IRAG1: variants seen among roughly 807,000 people sequenced by gnomAD.
IRAG1 encodes IP3R-associated cGMP kinase substrate.
In IRAG1, 62 loss-of-function variants were observed where a neutral mutation model predicts 106.2. That is an observed-to-expected ratio of 0.58 (90% CI 0.48 to 0.72). IRAG1 has a LOEUF of 0.72. Among genes scored for constraint, IRAG1 ranks in the 30% least tolerant of loss-of-function variants. IRAG1 has a pLI of 0.00. For missense variants in IRAG1, 1,064 were observed against 1,140.7 expected (o/e 0.93, Z 0.97); for synonymous variants, 462 against 443.9 (o/e 1.04, Z -0.51).
chr11:10,589,352 C>T (rs761384745), intron 18 of IRAG1, among the ~76,000 whole-genome samples: 3 of 152,272 alleles, frequency 2.0e-5, no homozygotes, highest in East Asian at 3.9e-4. Context: ...ACAGAAGATA[C>T]GAATTCACTT....
chr11:10,660,031 C>A (rs1384772515), intron 1 of IRAG1, among the ~76,000 whole-genome samples: 1 of 152,200 alleles, frequency 6.6e-6, no homozygotes, highest in East Asian at 1.9e-4. Flanking sequence ...GAACTGTCTC[C>A]TAGGCCCTAG....
chr11:10,593,561 A>G lies in IRAG1; in HGVS notation c.2106T>C (p.Pro702=), dbSNP rs1280569444. The G allele has an allele frequency of 3.7e-6, 6 of 1,613,904 alleles. No homozygotes were observed. Among genetic ancestry groups the G allele is most frequent in the Non-Finnish European group, 5.1e-6 (6 of 1,179,796 alleles). ...CAGGCAGATTCAGGGCATTAAACTT[A>G]GGAACCACAGCAACGCTGACCCTCC... ...PRRRVSVAVV[P]KFNALNLPGQ... The change falls in exon 17 of 21, where the codon CCT becomes CCC. Residue 702 remains proline (P), a synonymous_variant. Transcript: ENST00000423302.
At chr11:10,627,282 G>A (rs1380373251) in intron 8 of IRAG1, among the ~76,000 whole-genome samples, 2 of 152,104 alleles carry the variant, frequency 1.3e-5, no homozygotes, top group East Asian at 1.9e-4. Context: ...CACTGAGCAC[G>A]TGGGCCCCTC....
intron 1 of IRAG1, among the ~76,000 whole-genome samples, chr11:10,683,590 C>G (rs1320549267): frequency 6.6e-6 from 1 of 152,164 alleles, no homozygotes; most frequent in Non-Finnish European, 1.5e-5. Flanking sequence ...CAGGATGACA[C>G]CTATGGAATG....
chr11:10,596,867 T>C (rs1164353588), intron 15 of IRAG1, among the ~76,000 whole-genome samples: 1 of 152,230 alleles, frequency 6.6e-6, no homozygotes, highest in Non-Finnish European at 1.5e-5. Context: ...TAGTGGCTGA[T>C]AACAAGGAAG....
At chr11:10,617,586 T>C (rs996509669) in intron 10 of IRAG1, among the ~76,000 whole-genome samples, 125 of 152,366 alleles carry the variant, frequency 8.2e-4, no homozygotes, top group Non-Finnish European at 1.6e-4. Context: ...TTATCAGCAG[T>C]ACAGCCAGAA....
intron 1 of IRAG1, among the ~76,000 whole-genome samples, chr11:10,676,256 G>A (rs185794659): frequency 6.6e-6 from 1 of 152,362 alleles, no homozygotes; most frequent in Non-Finnish European, 1.5e-5. Context: ...TCCCTGTGCG[G>A]TGGGAGCTAA....
intron 15 of IRAG1, 128 bp from the exon 16 acceptor site, chr11:10,594,323 G>A (rs1853027473): frequency 1.2e-6 from 1 of 800,682 alleles, no homozygotes; most frequent in South Asian, 1.9e-5. Context: ...AAGGGTCTGG[G>A]TGTTGGGGAC....
chr11:10,647,055 G>T lies in IRAG1; in HGVS notation c.225+4970C>A, dbSNP rs564932609. On this transcript the variant is annotated intron_variant, in intron 2 of 20. Transcript: ENST00000423302. The surrounding 1 kb of genome is among the most constrained non-coding windows in gnomAD (Gnocchi z 4.3). Reference sequence around the variant, plus strand: ...CCTGAGGGGCTGGCAGGCAGAAGGGGTTTGGTGGTGCTTTGGCATTCCCCT... The same window carrying T: ...CCTGAGGGGCTGGCAGGCAGAAGGGTTTTGGTGGTGCTTTGGCATTCCCCT... Among the ~76,000 whole-genome samples the T allele has an allele frequency of 4.6e-5, 7 of 152,342 alleles. No homozygotes were observed. The highest frequency in any genetic ancestry group is 1.7e-4 in the African/African-American group (7 of 41,598).
chr11:10,586,220 G>GA (rs1851970589), intron 18 of IRAG1: 1 of 152,046 alleles, frequency 6.6e-6, no homozygotes, highest in Non-Finnish European at 1.5e-5. Context: ...GCAAGTGGGG[G>GA]AAACACAACA....
chr11:10,677,440 C>T (rs543211950), intron 1 of IRAG1, among the ~76,000 whole-genome samples: 1 of 152,250 alleles, frequency 6.6e-6, no homozygotes, highest in Non-Finnish European at 1.5e-5. Flanking sequence ...GGGATCCTTA[C>T]ACAAGATTTG....
intron 17 of IRAG1, among the ~76,000 whole-genome samples, chr11:10,592,296 C>A (rs1852770736): frequency 6.6e-6 from 1 of 152,100 alleles, no homozygotes; most frequent in Admixed American, 6.5e-5. Flanking sequence ...TGATTGCCAA[C>A]CCCTAGTCTA....
intron 10 of IRAG1, among the ~76,000 whole-genome samples, chr11:10,619,419 GCT>G (rs1306071568): frequency 6.6e-6 from 1 of 152,186 alleles, no homozygotes; most frequent in Non-Finnish European, 1.5e-5. Flanking sequence ...ATCTGAGCCA[GCT>G]CTCATAAAAT....
chr11:10,640,461 C>T (rs1857433763), intron 2 of IRAG1, among the ~76,000 whole-genome samples: 1 of 152,234 alleles, frequency 6.6e-6, no homozygotes, highest in Non-Finnish European at 1.5e-5. Flanking sequence ...TGTTCTTTCC[C>T]TCATCAGCTG....
intron 15 of IRAG1, among the ~76,000 whole-genome samples, chr11:10,597,286 A>ATTCTT (rs1853431960): frequency 1.3e-5 from 2 of 152,104 alleles, no homozygotes; most frequent in Admixed American, 6.5e-5. Flanking sequence ...TGATAACTGT[A>ATTCTT]TTCTTTTACT....
At chr11:10,601,265 C>T (rs781087546) in intron 14 of IRAG1, among the ~76,000 whole-genome samples, 1 of 152,222 alleles carries the variant, frequency 6.6e-6, no homozygotes, top group Non-Finnish European at 1.5e-5. Flanking sequence ...AGCACAGCCA[C>T]CACACTGCAG....
chr11:10,577,060 A>G (rs1850894194), intron 20 of IRAG1, among the ~76,000 whole-genome samples: 1 of 152,208 alleles, frequency 6.6e-6, no homozygotes, highest in Non-Finnish European at 1.5e-5. Context: ...TCAGTTCCAC[A>G]TCTAACTGTG....
At chr11:10,583,779 T>C (rs762270045) in intron 18 of IRAG1, among the ~76,000 whole-genome samples, 17 of 152,128 alleles carry the variant, frequency 1.1e-4, no homozygotes, top group Admixed American at 6.5e-4. Flanking sequence ...AATCTCTCCT[T>C]GTTTGTAACA....
At chr11:10,649,281 G>A (rs1858253523) in intron 2 of IRAG1, among the ~76,000 whole-genome samples, 1 of 152,226 alleles carries the variant, frequency 6.6e-6, no homozygotes, top group African/African-American at 2.4e-5. Context: ...GGGCGTGGCA[G>A]TAAGGGAAGA....
Sources: gnomAD v4.1 joint callset for allele counts (sites outside exome capture counted in the v4.1 genomes callset) on GRCh38, gnomAD v4.1.1 for gene constraint, Gnocchi (gnomAD v3.1) non-coding constraint, MANE v1.5 for transcripts, NCBI Gene and HGNC (gene_info 2026-07-23, HGNC 2026-07-21) for gene names.